Variants in LHFPL3 observed in about 807,000 individuals in gnomAD.
The protein encoded by LHFPL3 is LHFPL tetraspan subfamily member 3 protein.
LHFPL3 carries 5 observed loss-of-function variants against 19.3 expected under a neutral mutation model. The ratio of observed to expected loss-of-function variants is 0.26; its 90% CI spans 0.14 to 0.54. The LOEUF (loss-of-function observed/expected upper bound fraction) is 0.54. Among genes scored for constraint, LHFPL3 ranks in the 20% least tolerant of loss-of-function variants. The pLI is 0.94. For missense variants in LHFPL3, 249 were observed against 307.4 expected (o/e 0.81, Z 1.42); for synonymous variants, 133 against 126.2 (o/e 1.05, Z -0.36).
chr7:104,867,978 CAT>C (rs1791761029), intron 2 of LHFPL3, among the ~76,000 whole-genome samples: 1 of 152,118 alleles, frequency 6.6e-6, no homozygotes, highest in African/African-American at 2.4e-5. Context: ...CGACAAAAAC[CAT>C]ATGATTATCT....
At chr7:104,445,362 G>C (rs192522421) in intron 1 of LHFPL3, among the ~76,000 whole-genome samples, 164 of 152,264 alleles carry the variant, frequency 1.1e-3, no homozygotes, top group African/African-American at 3.7e-3. Flanking sequence ...CTTACTACTT[G>C]TATCCTTGGG....
intron 1 of LHFPL3, among the ~76,000 whole-genome samples, chr7:104,643,955 T>A (rs1791883214): frequency 6.6e-6 from 1 of 152,218 alleles, no homozygotes; most frequent in Non-Finnish European, 1.5e-5. Context: ...TGAGCTTCGA[T>A]AAGCTAATGT....
chr7:104,639,938 G>C (rs1791799530), intron 1 of LHFPL3, among the ~76,000 whole-genome samples: 1 of 152,100 alleles, frequency 6.6e-6, no homozygotes, highest in African/African-American at 2.4e-5. Flanking sequence ...GGAAAATAAA[G>C]TCTTAGATTA....
At chr7:104,638,763 CTTT>C (rs60096495) in intron 1 of LHFPL3, among the ~76,000 whole-genome samples, 1 of 141,684 alleles carries the variant, frequency 7.1e-6, no homozygotes, top group Admixed American at 7.1e-5. Flanking sequence ...GGTGGGGTAG[CTTT>C]TTTTTTTTTT....
At chr7:104,530,634 G>A (rs1794277960) in intron 1 of LHFPL3, among the ~76,000 whole-genome samples, 1 of 152,194 alleles carries the variant, frequency 6.6e-6, no homozygotes, top group African/African-American at 2.4e-5. Flanking sequence ...AAATTTAACA[G>A]TTGTGTGACT....
chr7:104,722,875 C>A (rs1793514409), intron 1 of LHFPL3, among the ~76,000 whole-genome samples: 1 of 152,050 alleles, frequency 6.6e-6, no homozygotes, highest in Non-Finnish European at 1.5e-5. Flanking sequence ...TTTTTTTGTG[C>A]AACAGTGCAT....
At chr7:104,473,170 TG>T (rs1310688670) in intron 1 of LHFPL3, among the ~76,000 whole-genome samples, 1 of 152,238 alleles carries the variant, frequency 6.6e-6, no homozygotes, top group Non-Finnish European at 1.5e-5. Flanking sequence ...CTGTCAATGG[TG>T]AGAACAGCTA....
intron 1 of LHFPL3, chr7:104,668,484 G>T (rs1469645784): frequency 1.2e-6 from 2 of 1,612,956 alleles, no homozygotes; most frequent in African/African-American, 1.3e-5. Flanking sequence ...CCGGGATATG[G>T]ATCGATATGG....
intron 1 of LHFPL3, among the ~76,000 whole-genome samples, chr7:104,386,383 A>T (rs1448512200): frequency 6.6e-6 from 1 of 152,188 alleles, no homozygotes; most frequent in Non-Finnish European, 1.5e-5. Context: ...GTTTAATACC[A>T]CAGTTGCCTG....
chr7:104,729,790 C>T (rs1793659729), intron 1 of LHFPL3, among the ~76,000 whole-genome samples: 1 of 152,010 alleles, frequency 6.6e-6, no homozygotes, highest in Non-Finnish European at 1.5e-5. Flanking sequence ...TACATGTGCA[C>T]AACATGCAGA....
chr7:104,845,549 A>G (rs1791298143), intron 2 of LHFPL3: 1 of 1,165,048 alleles, frequency 8.6e-7, no homozygotes, highest in East Asian at 2.7e-5. Flanking sequence ...CTTGAGCCGC[A>G]TGAAACTGCC....
At chr7:104,343,728 C>CATGTGT (rs35564388) in intron 1 of LHFPL3, among the ~76,000 whole-genome samples, 1 of 148,752 alleles carries the variant, frequency 6.7e-6, no homozygotes, top group African/African-American at 2.5e-5. Flanking sequence ...GTATGGCTTG[C>CATGTGT]GTGTGTGTGT....
intron 1 of LHFPL3, among the ~76,000 whole-genome samples, chr7:104,392,592 A>G (rs1345351980): frequency 6.6e-6 from 1 of 152,104 alleles, no homozygotes; most frequent in Non-Finnish European, 1.5e-5. Context: ...GTTTGCCAGT[A>G]TTTTATTGGG....
chr7:104,423,666 A>C (rs867058128), intron 1 of LHFPL3, among the ~76,000 whole-genome samples: 17 of 152,216 alleles, frequency 1.1e-4, no homozygotes, highest in African/African-American at 4.1e-4. Context: ...TCTCAAAAGC[A>C]AACAACAAAC....
chr7:104,674,203 T>A (rs1038780703), intron 1 of LHFPL3, among the ~76,000 whole-genome samples: 10 of 151,854 alleles, frequency 6.6e-5, no homozygotes, highest in African/African-American at 2.4e-4. Flanking sequence ...CCTCCTCTGG[T>A]CAGTTCTCAC....
Position 104,609,669 on chromosome 7 carries a change from C to T in LHFPL3, c.446-127006C>T, listed in dbSNP as rs1791175607. Among the ~76,000 whole-genome samples the T allele has an allele frequency of 2.6e-5, 4 of 152,198 alleles. No individual in the cohort carries two copies. In the South Asian group the frequency reaches 8.3e-4, roughly 32 times the overall value. On this transcript the variant is annotated intron_variant, in intron 1 of 2. Coordinates refer to ENST00000424859, the MANE Select transcript of LHFPL3 (RefSeq NM_199000.3). The stretch of plus-strand genomic sequence containing the variant: ...AGTTAAACATGCAGTTCCTGCCAAG[C>T]TTGTTTGCCATCACTTCCTAAATTT...
chr7:104,381,866 T>A (rs1790835998), intron 1 of LHFPL3, among the ~76,000 whole-genome samples: 2 of 152,238 alleles, frequency 1.3e-5, no homozygotes, highest in Admixed American at 6.5e-5. Flanking sequence ...CTGCTTCCAC[T>A]GAAACAGAAG....
intron 1 of LHFPL3, among the ~76,000 whole-genome samples, chr7:104,573,992 G>A (rs947410825): frequency 3.9e-5 from 6 of 152,140 alleles, no homozygotes; most frequent in Non-Finnish European, 7.3e-5. Context: ...TTGACATTTG[G>A]AATAGGAGAT....
At chr7:104,351,758 C>T (rs985500870) in intron 1 of LHFPL3, among the ~76,000 whole-genome samples, 4 of 152,170 alleles carry the variant, frequency 2.6e-5, no homozygotes, top group Admixed American at 1.3e-4. Context: ...ATAAATTCAA[C>T]CTCTCATATG....
Sources: gnomAD v4.1 joint callset for allele counts (sites outside exome capture counted in the v4.1 genomes callset) on GRCh38, gnomAD v4.1.1 for gene constraint, MANE v1.5 for transcripts, NCBI Gene and HGNC (gene_info 2026-07-23, HGNC 2026-07-21) for gene names.